Variants in PELO observed in about 807,000 individuals in gnomAD.
PELO encodes the protein pelota mRNA surveillance and ribosome rescue factor.
Under a neutral mutation model 25.9 loss-of-function variants are expected in PELO, and 19 were observed. The ratio of observed to expected loss-of-function variants is 0.73; its 90% CI spans 0.51 to 1.08. The LOEUF (loss-of-function observed/expected upper bound fraction) is 1.08. Among genes scored for constraint, PELO ranks in the 50% least tolerant of loss-of-function variants. PELO has a pLI of 0.00. For synonymous variants in PELO, 196 were observed against 192.2 expected (o/e 1.02, Z -0.16); for missense variants, 498 against 491.4 (o/e 1.01, Z -0.13).
chr5:52,796,306 A>G (rs1216482210), intron 1 of PELO, among the ~76,000 whole-genome samples: 1 of 151,910 alleles, frequency 6.6e-6, no homozygotes, highest in Non-Finnish European at 1.5e-5. Flanking sequence ...TTTGGAGGTA[A>G]CAATACTTTT....
intron 1 of PELO, among the ~76,000 whole-genome samples, chr5:52,793,033 G>A (rs991426149): frequency 6.6e-6 from 1 of 152,058 alleles, no homozygotes; most frequent in East Asian, 1.9e-4. Context: ...TGCATAAGTA[G>A]TTACTCCCAC....
In PELO at chr5:52,800,195, G is replaced by A; in HGVS notation, c.-200G>A. Reference sequence around the variant, plus strand: ...GCCTGTTAGACGCAGCGCGCCGGGAGACTGAGAGAGGAAAGGATAGAGGAA... The same window carrying A: ...GCCTGTTAGACGCAGCGCGCCGGGAAACTGAGAGAGGAAAGGATAGAGGAA... On this transcript the variant is annotated 5_prime_UTR_variant, in exon 2 of 3. Transcript: ENST00000274311. The A allele has an allele frequency of 1.7e-6, 1 of 599,436 alleles. No individual in the cohort carries two copies. Among genetic ancestry groups the A allele is most frequent in the South Asian group, 2.0e-5 (1 of 50,494 alleles). The allele number at this position is 599,436 out of a possible 1,614,324, so 37.1% of individuals were successfully genotyped here.
In PELO at chr5:52,788,252, C is replaced by G; in HGVS notation, c.-673C>G. ...TGCCACTGGGGCAGAGGACTGGGAA[C>G]CGCGGCAGCGGGATAAGTGGCCCAG... On this transcript the variant is annotated 5_prime_UTR_variant, in exon 1 of 3. Coordinates refer to ENST00000274311, the MANE Select transcript of PELO (RefSeq NM_015946.5). The G allele has an allele frequency of 1.1e-6, 1 of 911,812 alleles. No individual in the cohort carries two copies. The highest frequency in any genetic ancestry group is 1.5e-6 in the Non-Finnish European group (1 of 651,892). 56.5% of individuals were successfully genotyped at this position (911,812 alleles called of 1,614,324 possible).
Position 52,801,689 on chromosome 5 carries a change from T to C in PELO, c.1007T>C (p.Val336Ala). The C allele has an allele frequency of 6.2e-7, 1 of 1,614,174 alleles. No homozygotes were observed. The highest frequency in any genetic ancestry group is 8.5e-7 in the Non-Finnish European group (1 of 1,180,022). The change falls in exon 3 of 3, where the codon GTG becomes GCG. Residue 336 changes from valine to alanine, a missense_variant. By Grantham distance (64) the Val-to-Ala change is moderately conservative. Transcript: ENST00000274311. Reference sequence around the variant, plus strand: ...CGGTATGTGAGGCTGGTGGACAGTGTGAAAGAGAATGCAGGCACCGTTAGG... The same window carrying C: ...CGGTATGTGAGGCTGGTGGACAGTGCGAAAGAGAATGCAGGCACCGTTAGG... ...RSRYVRLVDS[V>A]KENAGTVRIF...
chr5:52,798,792 G>A (rs533011334), intron 1 of PELO, among the ~76,000 whole-genome samples: 2 of 152,238 alleles, frequency 1.3e-5, no homozygotes, highest in South Asian at 4.1e-4. Context: ...ACATTGCCAT[G>A]GTAAATTTTC....
At chr5:52,791,418 T>A (rs1242088930) in intron 1 of PELO, among the ~76,000 whole-genome samples, 1 of 152,096 alleles carries the variant, frequency 6.6e-6, no homozygotes, top group African/African-American at 2.4e-5. Flanking sequence ...GGAGTTGTGG[T>A]CATAAAAAGG....
In PELO at chr5:52,801,936, T is replaced by G; in HGVS notation, c.*96T>G. The G allele has an allele frequency of 1.2e-6, 1 of 853,554 alleles. No individual in the cohort carries two copies. The highest frequency in any genetic ancestry group is 1.8e-6 in the Non-Finnish European group (1 of 562,752). 52.9% of individuals were successfully genotyped at this position (853,554 alleles called of 1,614,324 possible). A position where few individuals can be genotyped will look rare whatever the true frequency, so the allele number is the denominator to read the frequency against. On this transcript the variant is annotated 3_prime_UTR_variant, in exon 3 of 3. Coordinates refer to ENST00000274311, the MANE Select transcript of PELO (RefSeq NM_015946.5). ...TGACAGAAAGCTGCAAGAATGGCAC[T>G]TTTTGATTCATACAGGGATTTCTTA...
At chr5:52,795,697 T>C (rs1748327682) in intron 1 of PELO, among the ~76,000 whole-genome samples, 1 of 151,976 alleles carries the variant, frequency 6.6e-6, no homozygotes, top group Non-Finnish European at 1.5e-5. Context: ...CTCTTGTCCC[T>C]TGTTTTGTCT....
rs377278232 is a variant in PELO at position 52,801,709 on chromosome 5, G to A, written c.1027G>A (p.Val343Ile). ...CAGTGTGAAAGAGAATGCAGGCACCGTTAGGATATTCTCTAGTCTTCACGT... is the reference window on the plus strand; with the variant it reads ...CAGTGTGAAAGAGAATGCAGGCACCATTAGGATATTCTCTAGTCTTCACGT... ...VDSVKENAGT[V>I]RIFSSLHVSG... The change falls in exon 3 of 3, where the codon GTT becomes ATT. Residue 343 changes from valine to isoleucine, a missense_variant. By Grantham distance (29) the Val-to-Ile change is conservative. Coordinates refer to ENST00000274311, the MANE Select transcript of PELO (RefSeq NM_015946.5). The A allele has an allele frequency of 1.9e-6, 3 of 1,614,092 alleles. No individual in the cohort carries two copies. Among genetic ancestry groups the A allele is most frequent in the Admixed American group, 1.7e-5 (1 of 60,006 alleles).
Position 52,802,100 on chromosome 5 carries a change from C to G in PELO, c.*260C>G, listed in dbSNP as rs1748501013. The G allele has an allele frequency of 2.8e-6, 1 of 361,282 alleles. No individual in the cohort carries two copies. The highest frequency in any genetic ancestry group is 5.3e-5 in the East Asian group (1 of 18,902). 22.4% of individuals were successfully genotyped at this position (361,282 alleles called of 1,614,324 possible). On this transcript the variant is annotated 3_prime_UTR_variant, in exon 3 of 3. Transcript: ENST00000274311. The stretch of plus-strand genomic sequence containing the variant: ...TAGGAATTATGAGTTATCTGTAGTA[C>G]TTGGAAACAGAAAATGTGTGTATTT...
chr5:52,801,458 A>C lies in PELO; in HGVS notation c.776A>C (p.Asp259Ala). The change falls in exon 3 of 3, where the codon GAC becomes GCC. Residue 259 changes from aspartate (D) to alanine (A), a missense_variant. Coordinates refer to ENST00000274311, the MANE Select transcript of PELO (RefSeq NM_015946.5). ...HKYSLKEALC[D>A]PTVASRLSDT... Reference sequence around the variant, plus strand: ...TACTCCCTGAAAGAGGCCCTTTGTGACCCTACTGTGGCTAGCCGCCTTTCA... The same window carrying C: ...TACTCCCTGAAAGAGGCCCTTTGTGCCCCTACTGTGGCTAGCCGCCTTTCA... The C allele has an allele frequency of 6.2e-7, 1 of 1,614,054 alleles. No individual in the cohort carries two copies. Among genetic ancestry groups the C allele is most frequent in the Non-Finnish European group, 8.5e-7 (1 of 1,179,970 alleles).
chr5:52,801,143 T>A, intron 2 of PELO, 23 bp downstream of exon 2: 1 of 1,570,422 alleles, frequency 6.4e-7, no homozygotes, highest in Non-Finnish European at 8.6e-7. Context: ...TACCCAGGGA[T>A]AATTAAGAAT....
chr5:52,797,981 G>A (rs1748377645), intron 1 of PELO, among the ~76,000 whole-genome samples: 1 of 152,196 alleles, frequency 6.6e-6, no homozygotes, highest in Admixed American at 6.5e-5. Flanking sequence ...TTAGAAAGAT[G>A]ATCAAGGAGC....
In PELO at chr5:52,794,098, A is replaced by T. The variant is rs554381691; in HGVS notation, c.-511+5684A>T. 2.6e-5 allele frequency among the ~76,000 whole-genome samples: 4 copies of T among 152,132 alleles called. No individual in the cohort carries two copies. The East Asian group carries it at 7.7e-4, about 29-fold the overall frequency. On this transcript the variant is annotated intron_variant, in intron 1 of 2. Transcript: ENST00000274311. ...TGTTAAAAAAAATCAATTTTATCCA[A>T]ACAGGAGATCCCTATTAACAAGATA...
At chr5:52,797,965 T>G (rs529086044) in intron 1 of PELO, among the ~76,000 whole-genome samples, 2 of 152,354 alleles carry the variant, frequency 1.3e-5, no homozygotes, top group South Asian at 4.1e-4. Context: ...GAAAGATAAA[T>G]TGTACTTAGA....
chr5:52,799,424 A>G (rs1748408138), intron 1 of PELO, among the ~76,000 whole-genome samples: 2 of 152,174 alleles, frequency 1.3e-5, no homozygotes, highest in Admixed American at 6.5e-5. Context: ...TTCACAGGCT[A>G]CTGGGCTGCG....
intron 1 of PELO, among the ~76,000 whole-genome samples, chr5:52,792,323 A>G (rs1051610102): frequency 6.6e-5 from 10 of 152,188 alleles, no homozygotes; most frequent in South Asian, 2.1e-4. Flanking sequence ...ATGACTCCCA[A>G]TGGCAGACAA....
At position 52,801,658 on chromosome 5, in the gene PELO, C is replaced by T; in HGVS notation, c.976C>T (p.Arg326Trp). The T allele has an allele frequency of 6.2e-7, 1 of 1,614,132 alleles. No individual in the cohort carries two copies. Residue 326 changes from arginine to tryptophan, a missense_variant, in exon 3 of 3, where the codon CGG (arginine) becomes TGG (tryptophan). Arg to Trp is a moderately radical substitution (Grantham distance 101). Transcript: ENST00000274311. ...ELFRHQDVAT[R>W]SRYVRLVDSV... is the part of the protein sequence containing the mutation. ...CTTCAGGCATCAGGATGTAGCCACA[C>T]GGAGCCGGTATGTGAGGCTGGTGGA...
rs1226343426 is a variant in PELO, at chr5:52,800,345, G to A, written c.-50G>A. ...CCATCCCCTCTCCCGGGGCGGAGGT[G>A]AGGACCTCCTTGGTTCCTTTGGTTC... On this transcript the variant is annotated 5_prime_UTR_variant, in exon 2 of 3. Coordinates refer to ENST00000274311, the MANE Select transcript of PELO (RefSeq NM_015946.5). 1.9e-6 allele frequency: 3 copies of A among 1,604,784 alleles called. No individual in the cohort carries two copies. Among genetic ancestry groups the A allele is most frequent in the Admixed American group, 1.7e-5 (1 of 59,668 alleles).
Sources: allele counts gnomAD v4.1 joint callset (sites outside exome capture counted in the v4.1 genomes callset), GRCh38; gene constraint gnomAD v4.1.1; transcripts MANE v1.5; gene names NCBI Gene and HGNC (gene_info 2026-07-23, HGNC 2026-07-21).